Variants in SLC35B4 observed in about 807,000 individuals in gnomAD.
The protein encoded by SLC35B4 is solute carrier family 35 member B4, also known as nucleotide sugar transporter SLC35B4.
In SLC35B4, 28 loss-of-function variants were observed where a neutral mutation model predicts 39.5. That is an observed-to-expected ratio of 0.71 (90% CI 0.53 to 0.97). SLC35B4 has a LOEUF of 0.97. Among genes scored for constraint, SLC35B4 ranks in the 50% least tolerant of loss-of-function variants. The probability of loss-of-function intolerance (pLI) is 0.00; values close to 1 mark genes in which losing one functional copy is unlikely to be tolerated. For synonymous variants in SLC35B4, 145 were observed against 150.4 expected (o/e 0.96, Z 0.26); for missense variants, 334 against 414.3 (o/e 0.81, Z 1.68).
chr7:134,314,046 AGTG>A (rs917955444), intron 1 of SLC35B4, among the ~76,000 whole-genome samples: 23 of 118,512 alleles, frequency 1.9e-4, no homozygotes, highest in African/African-American at 6.9e-4. Context: ...AAAAAAGATA[AGTG>A]ATGATTTATT....
At position 134,306,777 on chromosome 7, in the gene SLC35B4, G is replaced by A; in HGVS notation, c.192-3C>T. ...TGGTCACCATTATGGCATAGTACCTGAAATGCAGACAGAACAGCTCATCAA... is the reference window on the plus strand; with the variant it reads ...TGGTCACCATTATGGCATAGTACCTAAAATGCAGACAGAACAGCTCATCAA... On this transcript the variant is annotated splice_region_variant and splice_polypyrimidine_tract_variant and intron_variant, in intron 2 of 9. Coordinates refer to ENST00000378509, the MANE Select transcript of SLC35B4 (RefSeq NM_032826.5). 1 of 1,607,452 alleles carries A rather than the reference G, an allele frequency of 6.2e-7. No individual in the cohort carries two copies. The highest frequency in any genetic ancestry group is 8.5e-7 in the Non-Finnish European group (1 of 1,174,584).
intron 8 of SLC35B4, among the ~76,000 whole-genome samples, chr7:134,297,090 T>G (rs546564989): frequency 1.3e-5 from 2 of 152,244 alleles, no homozygotes; most frequent in East Asian, 3.9e-4. Context: ...CTGGCTCATT[T>G]TTGTATTTTT....
chr7:134,299,351 C>G (rs1462537457), intron 8 of SLC35B4, 172 bp downstream of exon 8: 1 of 496,388 alleles, frequency 2.0e-6, no homozygotes, highest in Non-Finnish European at 3.6e-6. Flanking sequence ...ATTGAGAAAC[C>G]CCTGTAAAAG....
intron 1 of SLC35B4, among the ~76,000 whole-genome samples, 186 bp downstream of exon 1, chr7:134,316,489 A>G (rs1803981100): frequency 6.6e-6 from 1 of 152,254 alleles, no homozygotes; most frequent in African/African-American, 2.4e-5. Flanking sequence ...TTTGGGAAGC[A>G]GCGGACTCAG....
chr7:134,309,515 C>A (rs1563218754), intron 1 of SLC35B4, 36 bp from the exon 2 acceptor site: 20 of 1,442,610 alleles, frequency 1.4e-5, no homozygotes, highest in Non-Finnish European at 1.5e-5. Flanking sequence ...GGTGAAGGCA[C>A]AAAAACTGAG....
rs189221446 is a variant in SLC35B4 at position 134,295,195 on chromosome 7, C to T, written c.750-116G>A. 324 of 1,354,792 alleles carry T rather than the reference C, an allele frequency of 2.4e-4. 1 individual carries two copies. Among genetic ancestry groups the T allele is most frequent in the Admixed American group, 5.0e-4 (24 of 47,962 alleles). 83.9% of individuals were successfully genotyped at this position (1,354,792 alleles called of 1,614,324 possible). ...CATATTCTAAGAAAACATGAAGGTC[C>T]GCTACGGCAGCTCTGAGGCTCCTCC... On this transcript the variant is annotated intron_variant, in intron 9 of 9. Transcript: ENST00000378509.
At chr7:134,310,532 T>C (rs1265443176) in intron 1 of SLC35B4, among the ~76,000 whole-genome samples, 1 of 151,940 alleles carries the variant, frequency 6.6e-6, no homozygotes, top group African/African-American at 2.4e-5. Flanking sequence ...TGCCTTCGTA[T>C]TCTGTGTTTT....
At chr7:134,298,200 A>G (rs1803508100) in intron 8 of SLC35B4, among the ~76,000 whole-genome samples, 1 of 152,238 alleles carries the variant, frequency 6.6e-6, no homozygotes, top group Admixed American at 6.5e-5. Flanking sequence ...GGGCAATGCC[A>G]ATAATCTGGT....
intron 5 of SLC35B4, 45 bp from the exon 6 acceptor site, chr7:134,301,866 T>G (rs1215159532): frequency 1.3e-6 from 2 of 1,579,346 alleles, no homozygotes; most frequent in Non-Finnish European, 1.7e-6. Flanking sequence ...CAGAACTACG[T>G]GCAAGGTGCC....
chr7:134,305,997 G>A (rs1332907539), intron 3 of SLC35B4, among the ~76,000 whole-genome samples: 3 of 152,280 alleles, frequency 2.0e-5, no homozygotes, highest in Admixed American at 2.0e-4. Flanking sequence ...AAAAAGTCAT[G>A]CAAGGATCTC....
In SLC35B4 at chr7:134,293,515, T is replaced by C. The variant is rs958934548; in HGVS notation, c.*1318A>G. The C allele has an allele frequency of 6.6e-6, 1 of 152,226 alleles. No homozygotes were observed. The highest frequency in any genetic ancestry group is 2.4e-5 in the African/African-American group (1 of 41,456). The allele number at this position is 152,226 out of a possible 1,614,324, so 9.4% of individuals were successfully genotyped here. ...GGACAATAACAACTTTCAATTGTCG[T>C]TGAGGTTTGACCTGATTTACACATC... On this transcript the variant is annotated 3_prime_UTR_variant, in exon 10 of 10. Transcript: ENST00000378509.
In SLC35B4 at chr7:134,295,079, C is replaced by T; in HGVS notation, c.750G>A (p.Gln250=). 6.2e-7 allele frequency: 1 copy of T among 1,613,678 alleles called. No individual in the cohort carries two copies. Among genetic ancestry groups the T allele is most frequent in the Admixed American group, 1.7e-5 (1 of 60,006 alleles). ...WFYLLMNIIT[Q]YVCIRGVFIL... ...TAAACACACCCCGGATGCACACGTA[C>T]CTGGAGGAGTGGAGTCAAGGTAGTT... is the stretch of plus-strand genomic sequence containing the variant. Residue 250 remains glutamine, a splice_region_variant and synonymous_variant, in exon 10 of 10, where the codon CAG becomes CAA. Coordinates refer to ENST00000378509, the MANE Select transcript of SLC35B4 (RefSeq NM_032826.5).
rs149153002 is a variant in SLC35B4, at chr7:134,291,327, G to C, written c.*3506C>G. 6 of 152,148 alleles carry C rather than the reference G, an allele frequency of 3.9e-5. No homozygotes were observed. Among genetic ancestry groups the C allele is most frequent in the Admixed American group, 3.9e-4 (6 of 15,276 alleles). The allele number at this position is 152,148 out of a possible 1,614,324, so 9.4% of individuals were successfully genotyped here. A position where few individuals can be genotyped will look rare whatever the true frequency, so the allele number is the denominator to read the frequency against. ...TGTAAGAATGTATAACAAAATACAC[G>C]CTGTGCAGATATAAATACTCTGTAA... is the stretch of plus-strand genomic sequence containing the variant. On this transcript the variant is annotated 3_prime_UTR_variant, in exon 10 of 10. Transcript: ENST00000378509.
At chr7:134,318,687 C>G (rs1804049135), upstream of SLC35B4, among the ~76,000 whole-genome samples, 1 of 152,100 alleles carries the variant, frequency 6.6e-6, no homozygotes, top group African/African-American at 2.4e-5. Flanking sequence ...CCTTCATTTT[C>G]CATATATGCC....
At chr7:134,316,383 C>G (rs751573464) in intron 1 of SLC35B4, among the ~76,000 whole-genome samples, 1 of 152,220 alleles carries the variant, frequency 6.6e-6, no homozygotes, top group Non-Finnish European at 1.5e-5. Flanking sequence ...CAATACCCCC[C>G]GAGTGTGGAA....
Position 134,316,840 on chromosome 7 carries a change from G to A in SLC35B4, c.-89C>T, listed in dbSNP as rs1803996112. The A allele has an allele frequency of 9.0e-6, 12 of 1,329,182 alleles. No individual in the cohort carries two copies. The South Asian group carries it at 1.3e-4, about 14-fold the overall frequency. The allele number at this position is 1,329,182 out of a possible 1,614,324, so 82.3% of individuals were successfully genotyped here. A position where few individuals can be genotyped will look rare whatever the true frequency, so the allele number is the denominator to read the frequency against. ...GAAGCCGGCCTCCTGCCTCTTCGCTGCGCAGCACATCGCACCGTCCTGGAA... is the reference window on the plus strand; with the variant it reads ...GAAGCCGGCCTCCTGCCTCTTCGCTACGCAGCACATCGCACCGTCCTGGAA... On this transcript the variant is annotated 5_prime_UTR_variant, in exon 1 of 10. Coordinates refer to ENST00000378509, the MANE Select transcript of SLC35B4 (RefSeq NM_032826.5).
In SLC35B4 at chr7:134,316,722, C is replaced by T; in HGVS notation, c.30G>A (p.Val10=). 1 of 1,550,314 alleles carries T rather than the reference C, an allele frequency of 6.5e-7. No homozygotes were observed. The highest frequency in any genetic ancestry group is 1.2e-5 in the South Asian group (1 of 84,054). ...TCACGTTACTGCAGCAGCCTGCGAA[C>T]ACCAGGCCCACCGCCAAGGCCGGGC... MRPALAVGL[V]FAGCCSNVIF... is the part of the protein sequence containing the mutation. Residue 10 remains valine, a synonymous_variant, in exon 1 of 10, where the codon GTG becomes GTA. Coordinates refer to ENST00000378509, the MANE Select transcript of SLC35B4 (RefSeq NM_032826.5).
In SLC35B4 at chr7:134,305,734, G is replaced by T. The variant is rs188242918; in HGVS notation, c.295-880C>A. On this transcript the variant is annotated intron_variant, in intron 3 of 9. Coordinates refer to ENST00000378509, the MANE Select transcript of SLC35B4 (RefSeq NM_032826.5). ...TGCCCAGGCTGGAGTGCAATGTTGC[G>T]ATCTTGGCTCACCACAACCTCTGCC... Among the ~76,000 whole-genome samples the T allele has an allele frequency of 2.6e-5, 4 of 152,092 alleles. 1 individual carries two copies. The highest frequency in any genetic ancestry group is 2.1e-4 in the South Asian group (1 of 4,832).
Position 134,291,775 on chromosome 7 carries a change from G to A in SLC35B4, c.*3058C>T, listed in dbSNP as rs1011806277. On this transcript the variant is annotated 3_prime_UTR_variant, in exon 10 of 10. Coordinates refer to ENST00000378509, the MANE Select transcript of SLC35B4 (RefSeq NM_032826.5). Reference sequence around the variant, plus strand: ...CAAGTACATTACAGTTGTTTTAGTTGGACGAAAAAGAAAACAAAGAATCAA... The same window carrying A: ...CAAGTACATTACAGTTGTTTTAGTTAGACGAAAAAGAAAACAAAGAATCAA... 8.5e-5 allele frequency: 13 copies of A among 152,064 alleles called. No homozygotes were observed. The highest frequency in any genetic ancestry group is 8.5e-4 in the Admixed American group (13 of 15,270). The allele number at this position is 152,064 out of a possible 1,614,324, so 9.4% of individuals were successfully genotyped here. A position where few individuals can be genotyped will look rare whatever the true frequency, so the allele number is the denominator to read the frequency against.
Sources: gnomAD v4.1 joint callset for allele counts (sites outside exome capture counted in the v4.1 genomes callset) on GRCh38, gnomAD v4.1.1 for gene constraint, MANE v1.5 for transcripts, NCBI Gene and HGNC (gene_info 2026-07-23, HGNC 2026-07-21) for gene names.